The following MYOZ2 variants were observed in gnomAD, a reference collection of about 807,000 sequenced individuals.
The protein encoded by MYOZ2 is myozenin-2.
Under a neutral mutation model 25.4 loss-of-function variants are expected in MYOZ2, and 19 were observed. The ratio of observed to expected loss-of-function variants is 0.75; its 90% CI spans 0.52 to 1.10. The LOEUF (loss-of-function observed/expected upper bound fraction) is 1.10. Ranked by LOEUF, MYOZ2 falls within the 50% of genes least tolerant of loss-of-function variation. MYOZ2 has a pLI of 0.00. For synonymous variants in MYOZ2, 92 were observed against 106.9 expected (o/e 0.86, Z 0.86); for missense variants, 270 against 317.9 (o/e 0.85, Z 1.15).
At position 119,164,197 on chromosome 4, in the gene MYOZ2, A is replaced by G. The variant is rs763397955; in HGVS notation, c.377-14A>G. ...GGCACAGTATTTACTTACTTTTGCT[A>G]TATTTTTCCAAAGGATATTCTGGAC... On this transcript the variant is annotated splice_polypyrimidine_tract_variant and intron_variant, in intron 4 of 5. Coordinates refer to ENST00000307128, the MANE Select transcript of MYOZ2 (RefSeq NM_016599.5). 31 of 1,611,962 alleles carry G rather than the reference A, an allele frequency of 1.9e-5. 1 individual carries two copies. In the South Asian group the frequency reaches 3.1e-4, roughly 16 times the overall value.
At position 119,178,093 on chromosome 4, in the gene MYOZ2, A is replaced by G. The variant is rs564214113; in HGVS notation, c.561-7873A>G. On this transcript the variant is annotated intron_variant, in intron 5 of 5. Transcript: ENST00000307128. The stretch of plus-strand genomic sequence containing the variant: ...CACATCCAATGGTGAATTCTCAGTG[A>G]TCAATGTACTCAGCTTCACAGCAGT... Among the ~76,000 whole-genome samples, 4 of 152,322 alleles carry G rather than the reference A, an allele frequency of 2.6e-5. No individual in the cohort carries two copies. In the East Asian group the frequency reaches 7.7e-4, roughly 29 times the overall value.
chr4:119,137,768 C>G (rs1313268282), intron 2 of MYOZ2, among the ~76,000 whole-genome samples: 1 of 152,126 alleles, frequency 6.6e-6, no homozygotes, highest in Non-Finnish European at 1.5e-5. Flanking sequence ...GAACTGAATT[C>G]ATACCAATCC....
chr4:119,164,132 C>A, intron 4 of MYOZ2, 79 bp from the exon 5 acceptor site: 1 of 1,372,766 alleles, frequency 7.3e-7, no homozygotes, highest in Non-Finnish European at 1.0e-6. Context: ...CATGAAAAAT[C>A]AAACATGGTA....
At chr4:119,175,061 C>T (rs892394454) in intron 5 of MYOZ2, among the ~76,000 whole-genome samples, 1 of 151,916 alleles carries the variant, frequency 6.6e-6, no homozygotes, top group African/African-American at 2.4e-5. Flanking sequence ...ACTCCAGACA[C>T]GCCACTTTAA....
intron 5 of MYOZ2, among the ~76,000 whole-genome samples, chr4:119,178,761 C>G (rs1742130534): frequency 6.6e-6 from 1 of 152,162 alleles, no homozygotes; most frequent in Admixed American, 6.5e-5. Flanking sequence ...CATCCACCAC[C>G]TCACCCGGCT....
chr4:119,179,937 A>C (rs1479526267), intron 5 of MYOZ2, among the ~76,000 whole-genome samples: 1 of 152,246 alleles, frequency 6.6e-6, no homozygotes, highest in Non-Finnish European at 1.5e-5. Context: ...AAAGGTCTCC[A>C]CCTCTTAATA....
intron 3 of MYOZ2, among the ~76,000 whole-genome samples, chr4:119,157,805 T>C (rs541461389): frequency 1.3e-5 from 2 of 152,334 alleles, no homozygotes; most frequent in Admixed American, 1.3e-4. Context: ...TTAAGTGGAC[T>C]GTCATCATAA....
chr4:119,146,636 G>T (rs1323822926), intron 2 of MYOZ2, among the ~76,000 whole-genome samples: 1 of 152,018 alleles, frequency 6.6e-6, no homozygotes, highest in Non-Finnish European at 1.5e-5. Context: ...TTATTTTATA[G>T]CCCAGGATAT....
chr4:119,164,010 T>C (rs961002314), intron 4 of MYOZ2, among the ~76,000 whole-genome samples: 3 of 152,058 alleles, frequency 2.0e-5, no homozygotes, highest in African/African-American at 2.4e-5. Flanking sequence ...AGAAAAATGG[T>C]TTCTTTTTAA....
At chr4:119,162,046 A>G (rs1017216000) in intron 4 of MYOZ2, among the ~76,000 whole-genome samples, 2 of 152,182 alleles carry the variant, frequency 1.3e-5, no homozygotes, top group African/African-American at 4.8e-5. Context: ...AATTACGTAT[A>G]ATATACAAAG....
chr4:119,184,358 C>A (rs1367530417), intron 5 of MYOZ2, among the ~76,000 whole-genome samples: 1 of 152,130 alleles, frequency 6.6e-6, no homozygotes, highest in Non-Finnish European at 1.5e-5. Flanking sequence ...AACACGCCAA[C>A]ATTATTTCTG....
intron 2 of MYOZ2, among the ~76,000 whole-genome samples, chr4:119,149,530 C>G (rs915407159): frequency 1.3e-5 from 2 of 152,150 alleles, no homozygotes; most frequent in Non-Finnish European, 2.9e-5. Flanking sequence ...TCTGTCTGGA[C>G]CTCTTGGTGT....
chr4:119,139,068 A>G (rs1048601428), intron 2 of MYOZ2, among the ~76,000 whole-genome samples: 5 of 152,210 alleles, frequency 3.3e-5, no homozygotes, highest in African/African-American at 1.2e-4. Context: ...AGCCTCCACT[A>G]ATCACAACCC....
rs941855811 is a variant in MYOZ2, at chr4:119,187,267, T to C, written c.*1067T>C. The stretch of plus-strand genomic sequence containing the variant: ...CTTAAAATATAATTGAAGAAGCATA[T>C]GACATATAACTTATAGAAATCAGTA... On this transcript the variant is annotated 3_prime_UTR_variant, in exon 6 of 6. Transcript: ENST00000307128. 1 of 152,180 alleles carries C rather than the reference T, an allele frequency of 6.6e-6. No individual in the cohort carries two copies. The highest frequency in any genetic ancestry group is 1.5e-5 in the Non-Finnish European group (1 of 68,006). 9.4% of individuals were successfully genotyped at this position (152,180 alleles called of 1,614,324 possible).
intron 5 of MYOZ2, among the ~76,000 whole-genome samples, chr4:119,177,352 T>C (rs1334781056): frequency 6.6e-6 from 1 of 152,228 alleles, no homozygotes; most frequent in Non-Finnish European, 1.5e-5. Context: ...ATAGTTTTGC[T>C]GTCTCCCCTT....
At chr4:119,154,478 G>C (rs1487484170) in intron 3 of MYOZ2, among the ~76,000 whole-genome samples, 1 of 152,056 alleles carries the variant, frequency 6.6e-6, no homozygotes, top group Non-Finnish European at 1.5e-5. Context: ...TAGAGGTACT[G>C]GGTGTCTCCT....
rs1420374400 is a variant in MYOZ2 at position 119,164,383 on chromosome 4, G to C, written c.549G>C (p.Arg183Ser). ...PEGKAELPDYRSFNRVATPFG... is the reference protein window; with the variant it reads ...PEGKAELPDYSSFNRVATPFG... Reference sequence around the variant, plus strand: ...GAAAGGCAGAACTGCCTGATTACAGGAGCTTTAACAGGTAATTCAATGGTC... The same window carrying C: ...GAAAGGCAGAACTGCCTGATTACAGCAGCTTTAACAGGTAATTCAATGGTC... The change falls in exon 5 of 6, where the codon AGG becomes AGC. Residue 183 changes from arginine to serine, a missense_variant. Arg to Ser is a moderately radical substitution (Grantham distance 110). Transcript: ENST00000307128. 3 of 1,613,982 alleles carry C rather than the reference G, an allele frequency of 1.9e-6. No individual in the cohort carries two copies. The Admixed American group carries it at 5.0e-5, about 27-fold the overall frequency.
At chr4:119,156,588 C>T (rs1489750123) in intron 3 of MYOZ2, among the ~76,000 whole-genome samples, 1 of 151,968 alleles carries the variant, frequency 6.6e-6, no homozygotes, top group East Asian at 1.9e-4. Context: ...GAATTCCTTC[C>T]CAAAATAGAT....
intron 2 of MYOZ2, among the ~76,000 whole-genome samples, chr4:119,146,258 C>T (rs890654797): frequency 6.6e-6 from 1 of 151,278 alleles, no homozygotes; most frequent in Non-Finnish European, 1.5e-5. Context: ...TTCTTTCGTT[C>T]TGCTTGCTTT....
Sources: gnomAD v4.1 joint callset for allele counts (sites outside exome capture counted in the v4.1 genomes callset) on GRCh38, gnomAD v4.1.1 for gene constraint, MANE v1.5 for transcripts, NCBI Gene and HGNC (gene_info 2026-07-23, HGNC 2026-07-21) for gene names.